DMD: variants seen among roughly 807,000 people sequenced by gnomAD.
The protein encoded by DMD is mutant dystrophin.
In DMD, 63 loss-of-function variants were observed where a neutral mutation model predicts 330.1. The observed-to-expected ratio is 0.19, with a 90% CI of 0.16 to 0.24. The LOEUF (loss-of-function observed/expected upper bound fraction) is 0.24, where lower values mean the gene tolerates loss of function less well. Ranked by LOEUF, DMD falls within the 10% of genes least tolerant of loss-of-function variation. The pLI, the probability that DMD is intolerant of heterozygous loss-of-function variation, is 1.00. For synonymous variants in DMD, 1,223 were observed against 959.8 expected (o/e 1.27, Z -5.07); for missense variants, 3,344 against 2,684.1 (o/e 1.25, Z -5.43).
chrX:32,459,930 T>C (rs888278527), intron 25 of DMD, among the ~76,000 whole-genome samples: 5 of 111,414 alleles, frequency 4.5e-5, no homozygotes, highest in Middle Eastern at 4.6e-3. Flanking sequence ...CTGTGGATTG[T>C]CTTTTCATTC....
intron 47 of DMD, among the ~76,000 whole-genome samples, chrX:31,896,062 T>C (rs1298713777): frequency 8.9e-6 from 1 of 111,979 alleles, no homozygotes; most frequent in Non-Finnish European, 1.9e-5. Context: ...CTGAAAAAGT[T>C]TGGGTGATCC....
intron 9 of DMD, among the ~76,000 whole-genome samples, chrX:32,679,695 G>A (rs1026339613): frequency 1.8e-5 from 2 of 109,665 alleles, no homozygotes; most frequent in Non-Finnish European, 3.8e-5. Context: ...TTTGTTTACT[G>A]GGGGGTAGAT....
intron 44 of DMD, among the ~76,000 whole-genome samples, chrX:32,194,195 T>G (rs1376345852): frequency 1.8e-5 from 2 of 112,160 alleles, no homozygotes; most frequent in Non-Finnish European, 3.8e-5. Flanking sequence ...AAAACAAACT[T>G]TTTTCAGTTG....
chrX:32,866,920 G>A (rs113549801), intron 2 of DMD, among the ~76,000 whole-genome samples: 7,468 of 110,751 alleles, frequency 0.067, 252 homozygotes, highest in Non-Finnish European at 0.11. Flanking sequence ...TTTTTTAGTA[G>A]AAACAGGGTT....
At chrX:32,205,005 T>TCTCTCA (rs60181300) in intron 44 of DMD, among the ~76,000 whole-genome samples, 2 of 29,239 alleles carry the variant, frequency 6.8e-5, no homozygotes, top group African/African-American at 2.3e-4. Context: ...TCTCTCTCTC[T>TCTCTCA]CACATACACA....
intron 63 of DMD, among the ~76,000 whole-genome samples, chrX:31,224,400 A>G (rs2046382604): frequency 8.9e-6 from 1 of 112,056 alleles, no homozygotes; most frequent in East Asian, 2.8e-4. Context: ...CATCGCAGAG[A>G]CCAAACATAA....
At chrX:31,660,682 G>C (rs1392749754) in intron 53 of DMD, among the ~76,000 whole-genome samples, 1 of 110,198 alleles carries the variant, frequency 9.1e-6, no homozygotes, top group African/African-American at 3.3e-5. Flanking sequence ...TAAAAGCTCA[G>C]GAATACAAAA....
intron 1 of DMD, among the ~76,000 whole-genome samples, chrX:33,110,163 C>G (rs974365672): frequency 9.1e-6 from 1 of 110,414 alleles, no homozygotes; most frequent in Non-Finnish European, 1.9e-5. Context: ...CTCTTCAGTC[C>G]TTTGGACTGA....
At chrX:31,209,979 T>C (rs898920767) in intron 64 of DMD, among the ~76,000 whole-genome samples, 17 of 111,466 alleles carry the variant, frequency 1.5e-4, no homozygotes, top group African/African-American at 5.6e-4. Flanking sequence ...CTGGGGAATA[T>C]CTGAGAGTTA....
intron 44 of DMD, among the ~76,000 whole-genome samples, chrX:32,023,830 G>A (rs1002052271): frequency 2.7e-5 from 3 of 111,647 alleles, no homozygotes; most frequent in South Asian, 7.5e-4. Flanking sequence ...GCACGTTAAC[G>A]CAGGAACAGA....
chrX:32,257,668 A>G (rs1428829768), intron 43 of DMD, among the ~76,000 whole-genome samples: 1 of 111,742 alleles, frequency 8.9e-6, no homozygotes, highest in African/African-American at 3.3e-5. Flanking sequence ...AAATCAACTC[A>G]AGATGCATTA....
At chrX:33,043,235 G>T (rs978010528) in intron 1 of DMD, among the ~76,000 whole-genome samples, 13 of 111,298 alleles carry the variant, frequency 1.2e-4, no homozygotes, top group African/African-American at 4.2e-4. Context: ...GACAAATGTG[G>T]GAACATTTTA....
Position 32,380,592 on chromosome X carries a change from G to T in DMD, c.4763C>A (p.Ala1588Glu), listed in dbSNP as rs773706422. ...CTTTGTCAATTCCATATCTGTAGCTGCCAGCCATTCTGTCAAGACATTCAT... is the reference window on the plus strand; with the variant it reads ...CTTTGTCAATTCCATATCTGTAGCTTCCAGCCATTCTGTCAAGACATTCAT... ...KEMNVLTEWL[A>E]ATDMELTKRS... The change falls in exon 34 of 79, where the codon GCA becomes GAA. Residue 1588 changes from alanine to glutamate, a missense_variant. By Grantham distance (107) the Ala-to-Glu change is moderately radical (BLOSUM62 -1). Coordinates refer to ENST00000357033, the MANE Select transcript of DMD (RefSeq NM_004006.3). 6 of 1,209,301 alleles carry T rather than the reference G, an allele frequency of 5.0e-6. No individual in the cohort carries two copies. Among genetic ancestry groups the T allele is most frequent in the Non-Finnish European group, 5.6e-6 (5 of 893,978 alleles).
chrX:32,506,419 C>T, intron 18 of DMD, among the ~76,000 whole-genome samples: 1 of 44,260 alleles, frequency 2.3e-5, no homozygotes, highest in East Asian at 7.7e-4. Flanking sequence ...GTACAAAATG[C>T]TAAAAAAAAA....
intron 49 of DMD, among the ~76,000 whole-genome samples, chrX:31,822,276 T>A: frequency 8.9e-6 from 1 of 111,967 alleles, no homozygotes; most frequent in East Asian, 2.8e-4. Flanking sequence ...GAAGGGGCCA[T>A]TCAAGCGCCA....
At chrX:32,498,059 G>A (rs985644467) in intron 19 of DMD, among the ~76,000 whole-genome samples, 1 of 110,963 alleles carries the variant, frequency 9.0e-6, no homozygotes, top group African/African-American at 3.3e-5. Flanking sequence ...TAAAGAATTT[G>A]GAAACTCCCT....
chrX:32,724,528 T>C (rs2066661252), intron 7 of DMD, among the ~76,000 whole-genome samples: 1 of 111,698 alleles, frequency 9.0e-6, no homozygotes, highest in Admixed American at 9.6e-5. Flanking sequence ...GAAAACATGT[T>C]AAAGCTAATT....
At chrX:32,832,297 G>A (rs745519006) in intron 4 of DMD, among the ~76,000 whole-genome samples, 58 of 111,427 alleles carry the variant, frequency 5.2e-4, no homozygotes, top group Non-Finnish European at 1.0e-3. Context: ...AAAAGTTTGA[G>A]TTGATTTCCT....
At chrX:32,660,989 G>A (rs1569418111) in intron 9 of DMD, among the ~76,000 whole-genome samples, 2 of 111,240 alleles carry the variant, frequency 1.8e-5, no homozygotes, top group Non-Finnish European at 1.9e-5. Flanking sequence ...AAATAAGAGA[G>A]AGGCCTGACA....
Sources: allele counts gnomAD v4.1 joint callset (sites outside exome capture counted in the v4.1 genomes callset), GRCh38; gene constraint gnomAD v4.1.1; transcripts MANE v1.5; gene names NCBI Gene and HGNC (gene_info 2026-07-23, HGNC 2026-07-21).